WDR70: variants seen among roughly 807,000 people sequenced by gnomAD.
WDR70 encodes the protein WD repeat-containing protein 70.
A neutral mutation model predicts 88.6 loss-of-function variants in WDR70; 53 were observed. The observed-to-expected ratio is 0.60, with a 90% CI of 0.48 to 0.75. The LOEUF is 0.75. Among genes scored for constraint, WDR70 ranks in the 30% least tolerant of loss-of-function variants. The probability of loss-of-function intolerance (pLI) is 0.00; values close to 1 mark genes in which losing one functional copy is unlikely to be tolerated. For synonymous variants in WDR70, 280 were observed against 270.0 expected (o/e 1.04, Z -0.36); for missense variants, 610 against 823.2 (o/e 0.74, Z 3.17).
intron 7 of WDR70, among the ~76,000 whole-genome samples, chr5:37,479,206 T>C (rs1322728665): frequency 2.6e-5 from 4 of 152,120 alleles, no homozygotes; most frequent in African/African-American, 9.7e-5. Flanking sequence ...GAGGCAGTTC[T>C]TGTTTTCTGA....
intron 13 of WDR70, among the ~76,000 whole-genome samples, chr5:37,703,726 C>T (rs765308949): frequency 6.6e-6 from 1 of 152,140 alleles, no homozygotes; most frequent in Non-Finnish European, 1.5e-5. Flanking sequence ...ACATGTAATA[C>T]AATAAGAATG....
chr5:37,672,482 G>A (rs993732668), intron 10 of WDR70, among the ~76,000 whole-genome samples: 13 of 152,144 alleles, frequency 8.5e-5, no homozygotes, highest in Admixed American at 5.9e-4. Flanking sequence ...GGCTGGAGGC[G>A]AGATATGCTG....
At chr5:37,399,242 C>T (rs1026476843) in intron 5 of WDR70, among the ~76,000 whole-genome samples, 1 of 152,144 alleles carries the variant, frequency 6.6e-6, no homozygotes, top group African/African-American at 2.4e-5. Context: ...GGCGCCACTG[C>T]ACTCCAGTCT....
At chr5:37,428,039 C>A in intron 5 of WDR70, among the ~76,000 whole-genome samples, 1 of 150,612 alleles carries the variant, frequency 6.6e-6, no homozygotes, top group African/African-American at 2.4e-5. Flanking sequence ...GTCTGGAAAC[C>A]ACAGCAGCCT....
At chr5:37,560,809 A>ATTT (rs397885116) in intron 9 of WDR70, among the ~76,000 whole-genome samples, 2,306 of 130,948 alleles carry the variant, frequency 0.018, 36 homozygotes, top group Middle Eastern at 0.023. Flanking sequence ...GCAGAAGCAG[A>ATTT]TTTTTTTTTT....
chr5:37,503,420 A>G lies in WDR70; in HGVS notation c.841-13094A>G, dbSNP rs373159009. Among the ~76,000 whole-genome samples, 23 of 150,064 alleles carry G rather than the reference A, an allele frequency of 1.5e-4. No homozygotes were observed. The East Asian group carries it at 2.4e-3, about 15-fold the overall frequency. On this transcript the variant is annotated intron_variant, in intron 8 of 17. Transcript: ENST00000265107. Reference sequence around the variant, plus strand: ...ATTTACTGCTTTTTTCCCTTCTCCCACCCTCCACCCTCTGATAGGCCCCAG... The same window carrying G: ...ATTTACTGCTTTTTTCCCTTCTCCCGCCCTCCACCCTCTGATAGGCCCCAG...
chr5:37,658,822 A>G (rs1169868763), intron 10 of WDR70, among the ~76,000 whole-genome samples: 1 of 152,176 alleles, frequency 6.6e-6, no homozygotes, highest in Non-Finnish European at 1.5e-5. Flanking sequence ...TCCCTTACCT[A>G]ACCATTTGCC....
intron 5 of WDR70, among the ~76,000 whole-genome samples, chr5:37,419,282 C>T (rs1357118310): frequency 6.6e-6 from 1 of 150,748 alleles, no homozygotes; most frequent in Non-Finnish European, 1.5e-5. Context: ...TCTTGGCTCG[C>T]TGCAACTTCC....
intron 9 of WDR70, among the ~76,000 whole-genome samples, chr5:37,563,763 C>A (rs868636989): frequency 7.4e-6 from 1 of 135,398 alleles, no homozygotes; most frequent in Non-Finnish European, 1.7e-5. Flanking sequence ...CTCCTCACGT[C>A]CCAGACGGAG....
At chr5:37,506,456 T>C in intron 8 of WDR70, 1 of 767,282 alleles carries the variant, frequency 1.3e-6, no homozygotes, top group Non-Finnish European at 2.4e-6. Context: ...TTAAGAAGGC[T>C]CCTCTATGAT....
Position 37,396,331 on chromosome 5 carries a change from T to C in WDR70, c.297-44T>C, listed in dbSNP as rs200600789. 164 of 1,536,110 alleles carry C rather than the reference T, an allele frequency of 1.1e-4. No homozygotes were observed. In the Middle Eastern group the frequency reaches 1.2e-3, roughly 11 times the overall value. On this transcript the variant is annotated intron_variant, in intron 4 of 17. Transcript: ENST00000265107. ...TGAATACTATTTCCAAAGTGTGCTCTTCATTGCAGCAGAGGCAAAGAGTTT... is the reference window on the plus strand; with the variant it reads ...TGAATACTATTTCCAAAGTGTGCTCCTCATTGCAGCAGAGGCAAAGAGTTT...
chr5:37,439,879 G>A (rs1750600613), intron 6 of WDR70, among the ~76,000 whole-genome samples: 1 of 151,958 alleles, frequency 6.6e-6, no homozygotes, highest in Non-Finnish European at 1.5e-5. Context: ...GAATATTTCA[G>A]TATGAACCTC....
chr5:37,452,394 G>A (rs1380634508), intron 7 of WDR70, among the ~76,000 whole-genome samples: 1 of 151,914 alleles, frequency 6.6e-6, no homozygotes, highest in East Asian at 1.9e-4. Context: ...GCCTCCTGAG[G>A]AACTGGGATT....
chr5:37,504,476 C>T (rs1488297101), intron 8 of WDR70, among the ~76,000 whole-genome samples: 1 of 152,092 alleles, frequency 6.6e-6, no homozygotes, highest in Admixed American at 6.6e-5. Flanking sequence ...TACAGAGGTA[C>T]CTTCAAGTGA....
chr5:37,493,137 C>T (rs1350034422), intron 8 of WDR70, among the ~76,000 whole-genome samples: 2 of 152,094 alleles, frequency 1.3e-5, no homozygotes, highest in African/African-American at 4.8e-5. Flanking sequence ...TACAGAACTG[C>T]ATTAATTTTC....
intron 9 of WDR70, among the ~76,000 whole-genome samples, chr5:37,560,609 GC>G (rs1742472496): frequency 6.6e-6 from 1 of 151,974 alleles, no homozygotes; most frequent in Non-Finnish European, 1.5e-5. Flanking sequence ...TTCAAGTTAT[GC>G]AACTGCATAT....
At chr5:37,715,511 C>T (rs1747629220) in intron 13 of WDR70, among the ~76,000 whole-genome samples, 1 of 152,080 alleles carries the variant, frequency 6.6e-6, no homozygotes, top group Non-Finnish European at 1.5e-5. Context: ...CTGTAGAGAT[C>T]AGGAGGTGGT....
intron 10 of WDR70, among the ~76,000 whole-genome samples, chr5:37,677,342 G>A (rs1177485716): frequency 6.6e-6 from 1 of 151,986 alleles, no homozygotes; most frequent in Non-Finnish European, 1.5e-5. Context: ...GTCAATTTTG[G>A]ATCTTTCCTG....
At chr5:37,662,883 T>C (rs1339079562) in intron 10 of WDR70, among the ~76,000 whole-genome samples, 1 of 152,196 alleles carries the variant, frequency 6.6e-6, no homozygotes, top group Non-Finnish European at 1.5e-5. Context: ...AGTAGGATCA[T>C]CAAATCTGAG....
Sources: gnomAD v4.1 joint callset for allele counts (sites outside exome capture counted in the v4.1 genomes callset) on GRCh38, gnomAD v4.1.1 for gene constraint, MANE v1.5 for transcripts, NCBI Gene and HGNC (gene_info 2026-07-23, HGNC 2026-07-21) for gene names.